Variants in PRKCA observed in about 807,000 individuals in gnomAD.
PRKCA encodes the protein protein kinase C alpha.
Under a neutral mutation model 87.0 loss-of-function variants are expected in PRKCA, and 27 were observed. That is an observed-to-expected ratio of 0.31 (90% CI 0.23 to 0.43). PRKCA has a LOEUF of 0.43. PRKCA is among the 20% of genes least tolerant of loss of function. The pLI is 1.00. For synonymous variants in PRKCA, 329 were observed against 311.1 expected (o/e 1.06, Z -0.61); for missense variants, 518 against 852.3 (o/e 0.61, Z 4.88).
intron 1 of PRKCA, 23 bp downstream of exon 1, chr17:66,303,047 C>T (rs765600878): frequency 3.1e-6 from 5 of 1,588,834 alleles, no homozygotes; most frequent in Non-Finnish European, 4.3e-6. Flanking sequence ...CCGGGCACTC[C>T]TGCCCCGCTC....
intron 2 of PRKCA, among the ~76,000 whole-genome samples, chr17:66,472,420 T>C (rs1915364762): frequency 6.6e-6 from 1 of 152,152 alleles, no homozygotes; most frequent in Non-Finnish European, 1.5e-5. Context: ...GGCTCGTTGA[T>C]GGTAGTGGTG....
chr17:66,333,115 G>A (rs183802354), intron 2 of PRKCA, among the ~76,000 whole-genome samples: 28 of 152,286 alleles, frequency 1.8e-4, no homozygotes, highest in Admixed American at 1.6e-3. Flanking sequence ...CATTTGACCA[G>A]TTACCTCTGT....
intron 3 of PRKCA, among the ~76,000 whole-genome samples, chr17:66,617,387 G>C (rs1970546969): frequency 6.6e-6 from 1 of 152,112 alleles, no homozygotes; most frequent in African/African-American, 2.4e-5. Flanking sequence ...TGTCTCATGT[G>C]TTATCTGACA....
intron 4 of PRKCA, among the ~76,000 whole-genome samples, chr17:66,642,936 A>T (rs938335922): frequency 6.6e-6 from 1 of 152,168 alleles, no homozygotes; most frequent in Non-Finnish European, 1.5e-5. Flanking sequence ...GCTACTCAGG[A>T]GGCTGAGGCA....
intron 2 of PRKCA, among the ~76,000 whole-genome samples, chr17:66,362,567 G>T (rs996911222): frequency 6.6e-6 from 1 of 152,098 alleles, no homozygotes; most frequent in African/African-American, 2.4e-5. Context: ...TCACTTTTGT[G>T]TCTCATGGGC....
At position 66,688,330 on chromosome 17, in the gene PRKCA, C is replaced by T. The variant is rs761303069; in HGVS notation, c.715C>T (p.Arg239Ter). The T allele has an allele frequency of 8.1e-6, 13 of 1,614,118 alleles. No homozygotes were observed. The highest frequency in any genetic ancestry group is 1.1e-5 in the Non-Finnish European group (13 of 1,180,022). ...ATTGAAACCTTCAGACAAAGACCGA[C>T]GACTGTCTGTAGAAATCTGGGACTG... The part of the protein sequence containing the change: ...FKLKPSDKDR[R>*]LSVEIWDWDR... The change falls in exon 7 of 17, where the codon CGA (arginine) becomes TGA (stop). Residue 239 changes from arginine to a stop codon, truncating the protein, a stop_gained. Transcript: ENST00000413366. LOFTEE classifies it high-confidence loss of function.
chr17:66,334,846 G>T (rs1487593658), intron 2 of PRKCA, among the ~76,000 whole-genome samples: 1 of 152,198 alleles, frequency 6.6e-6, no homozygotes, highest in Admixed American at 6.5e-5. Flanking sequence ...AATGGTAGAA[G>T]CAACCCTGTG....
At chr17:66,458,755 A>G (rs1914696083) in intron 2 of PRKCA, among the ~76,000 whole-genome samples, 1 of 152,148 alleles carries the variant, frequency 6.6e-6, no homozygotes, top group Non-Finnish European at 1.5e-5. Context: ...TGCTGGGATT[A>G]CAGGCGTGAG....
rs181226810 is a variant in PRKCA, at chr17:66,446,802, G to T, written c.206-49399G>T. ...TGGAAGAGGATCTTGGGGCCCTAGT[G>T]ATCCCCTAGATCTAAAAAGCAAAGA... On this transcript the variant is annotated intron_variant, in intron 2 of 16. Coordinates refer to ENST00000413366, the MANE Select transcript of PRKCA (RefSeq NM_002737.3). 6.6e-3 allele frequency among the ~76,000 whole-genome samples: 1,000 copies of T among 152,258 alleles called. 31 individuals carry two copies. Among genetic ancestry groups the T allele is most frequent in the Admixed American group, 0.056 (855 of 15,290 alleles).
chr17:66,696,356 A>T (rs1021046620), intron 8 of PRKCA: 3 of 152,180 alleles, frequency 2.0e-5, no homozygotes, highest in African/African-American at 7.2e-5. Context: ...TCCCTGCTCT[A>T]CCACTTCCCA....
intron 11 of PRKCA, 72 bp from the exon 12 acceptor site, chr17:66,741,587 A>C: frequency 6.6e-7 from 1 of 1,510,266 alleles, no homozygotes; most frequent in Non-Finnish European, 9.2e-7. Context: ...TTGATGCTTG[A>C]ATTTGAGAAT....
chr17:66,391,127 G>A (rs1217388831), intron 2 of PRKCA, among the ~76,000 whole-genome samples: 1 of 152,150 alleles, frequency 6.6e-6, no homozygotes, highest in Non-Finnish European at 1.5e-5. Context: ...TCCCCTGCGT[G>A]CTGCGAGTCC....
At chr17:66,648,402 A>G (rs1305673218) in intron 5 of PRKCA, among the ~76,000 whole-genome samples, 4 of 152,240 alleles carry the variant, frequency 2.6e-5, no homozygotes, top group Admixed American at 2.6e-4. Flanking sequence ...AAATCTGTGA[A>G]GAAGTTGACT....
At chr17:66,377,723 T>A (rs4307983) in intron 2 of PRKCA, among the ~76,000 whole-genome samples, 7,649 of 80,372 alleles carry the variant, frequency 0.095, 387 homozygotes, top group African/African-American at 0.21. Flanking sequence ...ATATATATAT[T>A]TTTTTTTTTT....
Position 66,571,211 on chromosome 17 carries a change from C to T in PRKCA, c.289-70144C>T, listed in dbSNP as rs1969069316. Among the ~76,000 whole-genome samples, 3 of 152,296 alleles carry T rather than the reference C, an allele frequency of 2.0e-5. 1 individual carries two copies. In the East Asian group the frequency reaches 5.8e-4, roughly 29 times the overall value. Reference sequence around the variant, plus strand: ...GAAGTCCTAACATGTAGTGTTTTCCCATTCCTAATCCCTATCATCTTGTGG... The same window carrying T: ...GAAGTCCTAACATGTAGTGTTTTCCTATTCCTAATCCCTATCATCTTGTGG... On this transcript the variant is annotated intron_variant, in intron 3 of 16. Coordinates refer to ENST00000413366, the MANE Select transcript of PRKCA (RefSeq NM_002737.3).
intron 2 of PRKCA, among the ~76,000 whole-genome samples, chr17:66,349,865 T>A (rs919353294): frequency 6.6e-6 from 1 of 152,088 alleles, no homozygotes; most frequent in Non-Finnish European, 1.5e-5. Flanking sequence ...GTGTGAAACA[T>A]GAAAATGGAG....
At chr17:66,589,080 A>T (rs1370311947) in intron 3 of PRKCA, among the ~76,000 whole-genome samples, 3 of 152,124 alleles carry the variant, frequency 2.0e-5, no homozygotes, top group Non-Finnish European at 4.4e-5. Flanking sequence ...GTCCCAGATG[A>T]ACGTGAAGTC....
intron 2 of PRKCA, among the ~76,000 whole-genome samples, chr17:66,435,764 G>C (rs1315031093): frequency 6.6e-6 from 1 of 152,188 alleles, no homozygotes; most frequent in Non-Finnish European, 1.5e-5. Context: ...GGGGAGGGGG[G>C]TGGTCTTAAG....
At chr17:66,539,671 G>A (rs1014500609) in intron 3 of PRKCA, among the ~76,000 whole-genome samples, 1 of 152,228 alleles carries the variant, frequency 6.6e-6, no homozygotes, top group Admixed American at 6.5e-5. Flanking sequence ...CCAAAGTTCT[G>A]GGATTACAGG....
Sources: allele counts gnomAD v4.1 joint callset (sites outside exome capture counted in the v4.1 genomes callset), GRCh38; gene constraint gnomAD v4.1.1; transcripts MANE v1.5; gene names NCBI Gene and HGNC (gene_info 2026-07-23, HGNC 2026-07-21).